RLBP1: variants seen among roughly 807,000 people sequenced by gnomAD.
The protein encoded by RLBP1 is retinaldehyde-binding protein 1.
RLBP1 carries 26 observed loss-of-function variants against 36.2 expected under a neutral mutation model. The observed-to-expected ratio is 0.72, with a 90% confidence interval of 0.53 to 1.00. RLBP1 has a LOEUF of 1.00. Among genes scored for constraint, RLBP1 ranks in the 50% least tolerant of loss-of-function variants. The pLI is 0.00. For missense variants in RLBP1, 410 were observed against 402.4 expected (o/e 1.02, Z -0.16); for synonymous variants, 155 against 156.2 (o/e 0.99, Z 0.06).
At chr15:89,219,196 A>G in intron 2 of RLBP1, 121 bp from the exon 3 acceptor site, 1 of 625,814 alleles carries the variant, frequency 1.6e-6, no homozygotes, top group Non-Finnish European at 2.9e-6. Flanking sequence ...CCCAACCTCC[A>G]TGATTCTGAC....
rs746272415 is a variant in RLBP1, at chr15:89,218,517, C to G, written c.141+48G>C. ...AGAGAGAATGCAGTCATGTTCCCCT[C>G]ATGTTGCCTCCCTAGGCTGCTCCTC... On this transcript the variant is annotated intron_variant, in intron 4 of 8. Coordinates refer to ENST00000268125, the MANE Select transcript of RLBP1 (RefSeq NM_000326.5). The surrounding 1 kb of genome is among the most constrained non-coding windows in gnomAD (Gnocchi z 4.6). 3.9e-5 allele frequency: 63 copies of G among 1,613,456 alleles called. No homozygotes were observed. Among genetic ancestry groups the G allele is most frequent in the Non-Finnish European group, 5.3e-5 (62 of 1,179,784 alleles).
chr15:89,211,982 G>C lies in RLBP1; in HGVS notation c.526-81C>G. On this transcript the variant is annotated intron_variant, in intron 6 of 8. Coordinates refer to ENST00000268125, the MANE Select transcript of RLBP1 (RefSeq NM_000326.5). This position sits in a 1 kb window ranked among gnomAD's most constrained non-coding sequence, Gnocchi z 5.8. ...TGAGGTCCTGAGGGGAGAGCTAATTGGTACATTCTTCACTGGGGTAATTTG... is the reference window on the plus strand; with the variant it reads ...TGAGGTCCTGAGGGGAGAGCTAATTCGTACATTCTTCACTGGGGTAATTTG... The C allele has an allele frequency of 3.5e-6, 5 of 1,432,592 alleles. No homozygotes were observed. Among genetic ancestry groups the C allele is most frequent in the Non-Finnish European group, 4.9e-6 (5 of 1,027,488 alleles). The allele number at this position is 1,432,592 out of a possible 1,614,324, so 88.7% of individuals were successfully genotyped here.
intron 5 of RLBP1, among the ~76,000 whole-genome samples, chr15:89,215,983 T>G (rs1362043115): frequency 6.6e-6 from 1 of 152,244 alleles, no homozygotes; most frequent in African/African-American, 2.4e-5. Flanking sequence ...CCACTTTATC[T>G]AAAACTTCAG....
At position 89,211,950 on chromosome 15, in the gene RLBP1, T is replaced by C. The variant is rs761557928; in HGVS notation, c.526-49A>G. On this transcript the variant is annotated intron_variant, in intron 6 of 8. Transcript: ENST00000268125. This position sits in a 1 kb window ranked among gnomAD's most constrained non-coding sequence, Gnocchi z 5.8. The stretch of plus-strand genomic sequence containing the variant: ...GTAAGATCTAACCCGCAACAATAAT[T>C]AAGGCTTGAGGTCCTGAGGGGAGAG... 6.2e-7 allele frequency: 1 copy of C among 1,605,534 alleles called. No individual in the cohort carries two copies. The highest frequency in any genetic ancestry group is 8.5e-7 in the Non-Finnish European group (1 of 1,173,650).
At chr15:89,215,275 C>T (rs1485204249) in intron 5 of RLBP1, 37 bp from the exon 6 acceptor site, 15 of 1,604,478 alleles carry the variant, frequency 9.3e-6, no homozygotes, top group Non-Finnish European at 1.3e-5. Flanking sequence ...CCTCAGGGAG[C>T]CATCCCATCC....
At chr15:89,221,341 T>A (rs3759922) in intron 1 of RLBP1, among the ~76,000 whole-genome samples, 194 bp downstream of exon 1, 1 of 152,094 alleles carries the variant, frequency 6.6e-6, no homozygotes, top group Non-Finnish European at 1.5e-5. Context: ...GCTGTTCATC[T>A]GAAATTCACA....
chr15:89,218,125 C>T lies in RLBP1; in HGVS notation c.141+440G>A, dbSNP rs62020304. ...CAATCTGATCACCTCTGAGCTAGTC[C>T]ACCAACCGTCTTTCATAGATACAGA... On this transcript the variant is annotated intron_variant, in intron 4 of 8. Transcript: ENST00000268125. The surrounding 1 kb of genome is among the most constrained non-coding windows in gnomAD (Gnocchi z 4.6). Among the ~76,000 whole-genome samples, 9,497 of 152,244 alleles carry T rather than the reference C, an allele frequency of 0.062. 393 individuals carry two copies. The highest frequency in any genetic ancestry group is 0.13 in the East Asian group (660 of 5,186).
Position 89,211,649 on chromosome 15 carries a change from T to A in RLBP1, c.684+94A>T. ...TCTTTATGGCGCGAGGTGGTCCAAC[T>A]TCTCAGTTCCCTGCAAGCACCATGA... On this transcript the variant is annotated intron_variant, in intron 7 of 8. Transcript: ENST00000268125. The surrounding 1 kb of genome is among the most constrained non-coding windows in gnomAD (Gnocchi z 5.8). The A allele has an allele frequency of 7.3e-7, 1 of 1,378,484 alleles. No individual in the cohort carries two copies. Among genetic ancestry groups the A allele is most frequent in the Non-Finnish European group, 1.0e-6 (1 of 982,862 alleles). 85.4% of individuals were successfully genotyped at this position (1,378,484 alleles called of 1,614,324 possible). A position where few individuals can be genotyped will look rare whatever the true frequency, so the allele number is the denominator to read the frequency against.
At chr15:89,220,833 C>T (rs12324156) in intron 1 of RLBP1, among the ~76,000 whole-genome samples, 4,981 of 152,092 alleles carry the variant, frequency 0.033, 291 homozygotes, top group African/African-American at 0.11. Context: ...GGTTCAAGTC[C>T]GTGCGGCAAC....
chr15:89,221,293 G>A (rs2150973092), intron 1 of RLBP1, among the ~76,000 whole-genome samples: 1 of 152,272 alleles, frequency 6.6e-6, no homozygotes, highest in African/African-American at 2.4e-5. Flanking sequence ...ACAGGCGTGA[G>A]CCTAAATGTG....
chr15:89,220,912 T>C (rs939862514), intron 1 of RLBP1, among the ~76,000 whole-genome samples: 1 of 151,868 alleles, frequency 6.6e-6, no homozygotes, highest in Non-Finnish European at 1.5e-5. Context: ...CTGTACACAA[T>C]GAAAAAATGC....
chr15:89,215,339 T>C (rs2051571396), intron 5 of RLBP1, 101 bp from the exon 6 acceptor site: 1 of 1,167,582 alleles, frequency 8.6e-7, no homozygotes, highest in Non-Finnish European at 1.2e-6. Flanking sequence ...CCAGGTCCTA[T>C]GTGTGACCGA....
At position 89,215,212 on chromosome 15, in the gene RLBP1, G is replaced by A; in HGVS notation, c.373C>T (p.Pro125Ser). The A allele has an allele frequency of 6.2e-7, 1 of 1,614,146 alleles. No homozygotes were observed. Among genetic ancestry groups the A allele is most frequent in the Middle Eastern group, 1.6e-4 (1 of 6,062 alleles). The change falls in exon 6 of 9, where the codon CCT becomes TCT. Residue 125 changes from proline to serine, a missense_variant. Coordinates refer to ENST00000268125, the MANE Select transcript of RLBP1 (RefSeq NM_000326.5). ...RGYVNFRLQY[P>S]ELFDSLSPEA... ...GGGGACAGGCTGTCAAAGAGCTCAGGGTACTGCAGCCGGAAATTCACATAG... is the reference window on the plus strand; with the variant it reads ...GGGGACAGGCTGTCAAAGAGCTCAGAGTACTGCAGCCGGAAATTCACATAG...
At chr15:89,215,405 G>A (rs1453316418) in intron 5 of RLBP1, among the ~76,000 whole-genome samples, 167 bp from the exon 6 acceptor site, 2 of 152,250 alleles carry the variant, frequency 1.3e-5, no homozygotes, top group East Asian at 1.9e-4. Context: ...ATGGGATCTC[G>A]ATATTGACCT....
At position 89,210,328 on chromosome 15, in the gene RLBP1, T is replaced by G; in HGVS notation, c.911A>C (p.Gln304Pro). Residue 304 changes from glutamine (Q) to proline (P), a missense_variant, in exon 9 of 9, where the codon CAG becomes CCG. Coordinates refer to ENST00000268125, the MANE Select transcript of RLBP1 (RefSeq NM_000326.5). This position sits in a 1 kb window ranked among gnomAD's most constrained non-coding sequence, Gnocchi z 4.7. ...AGCTTGGGCCTGGGGGCCAAAGAGC[T>G]GCTCAGCAACGGCCTTGCCATCATA... ...PKYDGKAVAE[Q>P]LFGPQAQAEN... 1 of 1,614,242 alleles carries G rather than the reference T, an allele frequency of 6.2e-7. No individual in the cohort carries two copies. The highest frequency in any genetic ancestry group is 8.5e-7 in the Non-Finnish European group (1 of 1,180,050).
intron 5 of RLBP1, among the ~76,000 whole-genome samples, chr15:89,216,473 C>T (rs1471003698): frequency 6.6e-6 from 1 of 152,232 alleles, no homozygotes; most frequent in African/African-American, 2.4e-5. Context: ...CAGGCATGCG[C>T]CACCACGCCC....
At chr15:89,217,051 G>A in intron 5 of RLBP1, 69 bp downstream of exon 5, 1 of 1,521,186 alleles carries the variant, frequency 6.6e-7, no homozygotes, top group Non-Finnish European at 9.1e-7. Flanking sequence ...TCAGTGCCAG[G>A]ATGAGAGCGG....
chr15:89,220,061 C>T (rs1378988621), intron 1 of RLBP1, among the ~76,000 whole-genome samples: 1 of 152,202 alleles, frequency 6.6e-6, no homozygotes, highest in East Asian at 1.9e-4. Flanking sequence ...CCATCCTGCT[C>T]CTGCATGTGA....
At position 89,210,406 on chromosome 15, in the gene RLBP1, TG is replaced by T. The variant is rs2051527389; in HGVS notation, c.832del (p.Gln278ArgfsTer51). 1.3e-5 allele frequency: 21 copies of T among 1,614,106 alleles called. No individual in the cohort carries two copies. The highest frequency in any genetic ancestry group is 1.7e-5 in the Non-Finnish European group (20 of 1,180,056). ...VHGDDLSGFY[Q>X]EIDENILPSD... is the part of the protein sequence containing the mutation. Reference sequence around the variant, plus strand: ...GGGCAGGATGTTCTCATCGATCTCCTGGTAGAAACCAGAAAGGTCATCCCCG... The same window carrying T: ...GGGCAGGATGTTCTCATCGATCTCCTGTAGAAACCAGAAAGGTCATCCCCG... On this transcript the variant is annotated frameshift_variant, in exon 9 of 9. Coordinates refer to ENST00000268125, the MANE Select transcript of RLBP1 (RefSeq NM_000326.5). LOFTEE classifies it high-confidence loss of function. This position sits in a 1 kb window ranked among gnomAD's most constrained non-coding sequence, Gnocchi z 4.7.
Sources: allele counts gnomAD v4.1 joint callset (sites outside exome capture counted in the v4.1 genomes callset), GRCh38; gene constraint gnomAD v4.1.1; non-coding constraint Gnocchi (gnomAD v3.1); transcripts MANE v1.5; gene names NCBI Gene and HGNC (gene_info 2026-07-23, HGNC 2026-07-21).